Variants in RALGAPA1 observed in about 807,000 individuals in gnomAD.
The protein encoded by RALGAPA1 is ral GTPase-activating protein subunit alpha-1.
A neutral mutation model predicts 269.6 loss-of-function variants in RALGAPA1; 52 were observed. The ratio of observed to expected loss-of-function variants is 0.19; its 90% CI spans 0.15 to 0.24. The LOEUF is 0.24. Ranked by LOEUF, RALGAPA1 falls within the 10% of genes least tolerant of loss-of-function variation. RALGAPA1 has a pLI of 1.00. For synonymous variants in RALGAPA1, 817 were observed against 1,008.3 expected (o/e 0.81, Z 3.60); for missense variants, 1,917 against 3,013.9 (o/e 0.64, Z 8.52).
At chr14:35,734,305 T>C (rs995762299) in intron 12 of RALGAPA1, among the ~76,000 whole-genome samples, 5 of 152,110 alleles carry the variant, frequency 3.3e-5, no homozygotes, top group African/African-American at 4.8e-5. Context: ...TTTCAAACTA[T>C]ACTGTAAGGC....
At chr14:35,751,955 C>A in intron 8 of RALGAPA1, 69 bp downstream of exon 8, 5 of 1,523,120 alleles carry the variant, frequency 3.3e-6, no homozygotes, top group Non-Finnish European at 4.4e-6. Flanking sequence ...GTAACAAATG[C>A]CAACTTTACA....
intron 35 of RALGAPA1, among the ~76,000 whole-genome samples, chr14:35,623,356 C>G (rs1439918380): frequency 6.6e-6 from 1 of 151,010 alleles, no homozygotes; most frequent in East Asian, 1.9e-4. Context: ...CACAGACACA[C>G]AGACATACAC....
Position 35,738,520 on chromosome 14 carries a change from A to G in RALGAPA1, c.1580T>C (p.Val527Ala). The G allele has an allele frequency of 6.3e-7, 1 of 1,593,662 alleles. No individual in the cohort carries two copies. Among genetic ancestry groups the G allele is most frequent in the Admixed American group, 1.8e-5 (1 of 54,754 alleles). The change falls in exon 12 of 42, where the codon GTT becomes GCT. Residue 527 changes from valine to alanine, a missense_variant. Transcript: ENST00000680220. ...EQNIRAGTQA[V>A]LQVFIINSSN... The stretch of plus-strand genomic sequence containing the variant: ...AGCCATAAAGTGATCCACCTGCAAA[A>G]CTGCCTGGGTACCAGCTCGTATGTT...
Position 35,605,665 on chromosome 14 carries a change from T to C in RALGAPA1, c.6974A>G (p.Gln2325Arg). The change falls in exon 36 of 42, where the codon CAA becomes CGA. Residue 2325 changes from glutamine to arginine, a missense_variant. By Grantham distance (43) the Gln-to-Arg change is conservative (BLOSUM62 1). Coordinates refer to ENST00000680220, the MANE Select transcript of RALGAPA1 (RefSeq NM_001346249.2). ...GGTGAGAATGGAGTGTTTGTCTTCT[T>C]GTCCTTCAGCAACATAAAATACTGC... The part of the protein sequence containing the change: ...KIAVFYVAEG[Q>R]EDKHSILTNT... The C allele has an allele frequency of 6.2e-7, 1 of 1,611,546 alleles. No individual in the cohort carries two copies. The highest frequency in any genetic ancestry group is 8.5e-7 in the Non-Finnish European group (1 of 1,179,166).
chr14:35,680,739 C>T (rs906046110), intron 21 of RALGAPA1, among the ~76,000 whole-genome samples: 3 of 151,862 alleles, frequency 2.0e-5, no homozygotes, highest in Non-Finnish European at 2.9e-5. Flanking sequence ...CTCAGCCTCC[C>T]GAGTAGCTAG....
intron 24 of RALGAPA1, 74 bp downstream of exon 24, chr14:35,674,106 C>A (rs2064739166): frequency 1.7e-6 from 2 of 1,186,486 alleles, no homozygotes; most frequent in African/African-American, 1.5e-5. Flanking sequence ...TATATAATAG[C>A]CAAAATCTCT....
At chr14:35,805,665 T>C (rs896025246) in intron 1 of RALGAPA1, among the ~76,000 whole-genome samples, 6 of 150,716 alleles carry the variant, frequency 4.0e-5, no homozygotes, top group Admixed American at 6.6e-5. Flanking sequence ...TACATACATA[T>C]ATATATTTTT....
Position 35,656,965 on chromosome 14 carries a change from G to C in RALGAPA1, c.5388-1050C>G, listed in dbSNP as rs781031629. Among the ~76,000 whole-genome samples the C allele has an allele frequency of 6.7e-4, 102 of 152,172 alleles. 1 individual carries two copies. The highest frequency in any genetic ancestry group is 1.9e-3 in the South Asian group (9 of 4,828). Reference sequence around the variant, plus strand: ...CTCAAGTGAAGCAAAGCTCTCCGTGGATGCAGCTAACTAAAGGCAGAGACT... The same window carrying C: ...CTCAAGTGAAGCAAAGCTCTCCGTGCATGCAGCTAACTAAAGGCAGAGACT... On this transcript the variant is annotated intron_variant, in intron 28 of 41. Coordinates refer to ENST00000680220, the MANE Select transcript of RALGAPA1 (RefSeq NM_001346249.2).
chr14:35,673,731 C>T (rs1004915718), intron 24 of RALGAPA1, among the ~76,000 whole-genome samples: 2 of 152,056 alleles, frequency 1.3e-5, no homozygotes, highest in Admixed American at 1.3e-4. Flanking sequence ...CAGGTGCCCA[C>T]CACCATGCCC....
rs534789980 is a variant in RALGAPA1 at position 35,549,111 on chromosome 14, G to A, written c.7620C>T (p.Ala2540=). The change falls in exon 40 of 42, where the codon GCC becomes GCT. Residue 2540 remains alanine, a splice_region_variant and synonymous_variant. Transcript: ENST00000680220. ...PAPYHHLPSD[A]DH is the part of the protein sequence containing the mutation. ...ACTAATACTCGCTTTTAATCTTACC[G>A]GCATCAGATGGTAAATGGTGGTAGG... The A allele has an allele frequency of 1.7e-5, 28 of 1,609,356 alleles. No homozygotes were observed. The highest frequency in any genetic ancestry group is 1.3e-4 in the South Asian group (12 of 90,886).
chr14:35,701,870 A>C (rs1160091447), intron 16 of RALGAPA1, among the ~76,000 whole-genome samples: 2 of 152,020 alleles, frequency 1.3e-5, no homozygotes, highest in Non-Finnish European at 2.9e-5. Context: ...GCTGGTGTCG[A>C]ACTCCTGTGC....
Position 35,698,915 on chromosome 14 carries a change from C to A in RALGAPA1, c.2407+1247G>T, listed in dbSNP as rs543212133. On this transcript the variant is annotated intron_variant, in intron 17 of 41. Coordinates refer to ENST00000680220, the MANE Select transcript of RALGAPA1 (RefSeq NM_001346249.2). Reference sequence around the variant, plus strand: ...ATTTGTAGCTAAGCATCATACGTAACAAAATTGTGTGCCATTTTCTACCAT... The same window carrying A: ...ATTTGTAGCTAAGCATCATACGTAAAAAAATTGTGTGCCATTTTCTACCAT... Among the ~76,000 whole-genome samples, 3 of 152,218 alleles carry A rather than the reference C, an allele frequency of 2.0e-5. No homozygotes were observed. The South Asian group carries it at 6.2e-4, about 32-fold the overall frequency.
intron 28 of RALGAPA1, 36 bp downstream of exon 28, chr14:35,659,102 A>C: frequency 6.7e-7 from 1 of 1,496,870 alleles, no homozygotes; most frequent in Non-Finnish European, 9.1e-7. Flanking sequence ...TCCAAACACA[A>C]AATAGTTATA....
intron 31 of RALGAPA1, among the ~76,000 whole-genome samples, chr14:35,643,170 C>A (rs147872495): frequency 6.7e-6 from 1 of 148,792 alleles, no homozygotes; most frequent in Non-Finnish European, 1.5e-5. Flanking sequence ...CATCACACAC[C>A]AGGGCCTTTC....
intron 10 of RALGAPA1, among the ~76,000 whole-genome samples, chr14:35,743,908 AT>A (rs772134379): frequency 1.2e-4 from 19 of 152,182 alleles, no homozygotes; most frequent in African/African-American, 2.9e-4. Flanking sequence ...CTTAAAAAAA[AT>A]ATTTTCCTTA....
At chr14:35,621,607 C>T (rs1474405273) in intron 35 of RALGAPA1, among the ~76,000 whole-genome samples, 1 of 152,108 alleles carries the variant, frequency 6.6e-6, no homozygotes, top group Admixed American at 6.5e-5. Context: ...TTTTTGCAAT[C>T]TACCCTTCTG....
At chr14:35,653,305 T>C (rs191886475) in intron 30 of RALGAPA1, among the ~76,000 whole-genome samples, 12 of 152,340 alleles carry the variant, frequency 7.9e-5, no homozygotes, top group Admixed American at 3.3e-4. Context: ...TAAATATTAG[T>C]TCCCATCTGT....
chr14:35,609,678 T>C (rs1437823135), intron 35 of RALGAPA1, among the ~76,000 whole-genome samples: 1 of 152,046 alleles, frequency 6.6e-6, no homozygotes, highest in Non-Finnish European at 1.5e-5. Flanking sequence ...ATCCCAGTAC[T>C]TGGGGAGGCC....
At chr14:35,587,867 T>C (rs1226814007) in intron 37 of RALGAPA1, among the ~76,000 whole-genome samples, 1 of 152,144 alleles carries the variant, frequency 6.6e-6, no homozygotes, top group South Asian at 2.1e-4. Flanking sequence ...TAAAGTATAA[T>C]TTAAAAAAAT....
Sources: allele counts gnomAD v4.1 joint callset (sites outside exome capture counted in the v4.1 genomes callset), GRCh38; gene constraint gnomAD v4.1.1; transcripts MANE v1.5; gene names NCBI Gene and HGNC (gene_info 2026-07-23, HGNC 2026-07-21).